The following RTF1 variants were observed in gnomAD, a reference collection of about 807,000 sequenced individuals.
The protein encoded by RTF1 is RTF1 homolog, Paf1/RNA polymerase II complex component, also known as RNA polymerase-associated protein RTF1 homolog.
Under a neutral mutation model 95.7 loss-of-function variants are expected in RTF1, and 10 were observed. The ratio of observed to expected loss-of-function variants is 0.10; its 90% confidence interval spans 0.06 to 0.18. The LOEUF (loss-of-function observed/expected upper bound fraction) is 0.18, where lower values mean the gene tolerates loss of function less well. Among genes scored for constraint, RTF1 ranks in the 10% least tolerant of loss-of-function variants. The pLI is 1.00. For missense variants in RTF1, 458 were observed against 875.6 expected (o/e 0.52, Z 6.02); for synonymous variants, 305 against 311.8 (o/e 0.98, Z 0.23).
At position 41,465,650 on chromosome 15, in the gene RTF1, A is replaced by AAGC. The variant is rs1194261754; in HGVS notation, c.778-487_778-485dup. ...AGCGAGGCTCTGTTTTAAAAAAAAA[A>AAGC]AGCAGCCCACTAGTGAGTGACCATC... is the stretch of plus-strand genomic sequence containing the variant. On this transcript the variant is annotated intron_variant, in intron 5 of 17. Coordinates refer to ENST00000389629, the MANE Select transcript of RTF1 (RefSeq NM_015138.5). 1.4e-4 allele frequency among the ~76,000 whole-genome samples: 22 copies of AAGC among 152,210 alleles called. No homozygotes were observed. The Middle Eastern group carries it at 0.01, about 71-fold the overall frequency.
chr15:41,418,449 G>A (rs2050582793), intron 1 of RTF1, among the ~76,000 whole-genome samples: 1 of 152,156 alleles, frequency 6.6e-6, no homozygotes, highest in Non-Finnish European at 1.5e-5. Context: ...GGCAGTGCAA[G>A]CATTTGCTAA....
intron 1 of RTF1, among the ~76,000 whole-genome samples, chr15:41,431,251 G>T (rs2050670819): frequency 6.9e-6 from 1 of 144,136 alleles, no homozygotes. Flanking sequence ...TTTTGCTCTT[G>T]TTGCCCAGGC....
Position 41,475,576 on chromosome 15 carries a change from A to G in RTF1, c.1338A>G (p.Glu446=), listed in dbSNP as rs372421373. The change falls in exon 10 of 18, where the codon GAA becomes GAG. Residue 446 remains glutamate, a synonymous_variant. Coordinates refer to ENST00000389629, the MANE Select transcript of RTF1 (RefSeq NM_015138.5). ...VFRLEFVSNQ[E]FTESEFMKWK... ...GTTTAGAGTTTGTCTCAAACCAAGA[A>G]TTCACCGAAAGTGAGTTTATGAAGT... 4 of 1,614,084 alleles carry G rather than the reference A, an allele frequency of 2.5e-6. No individual in the cohort carries two copies. The African/African-American group carries it at 4.0e-5, about 16-fold the overall frequency.
chr15:41,445,536 A>T (rs1276413142), intron 2 of RTF1, among the ~76,000 whole-genome samples: 3 of 152,158 alleles, frequency 2.0e-5, no homozygotes, highest in African/African-American at 2.4e-5. Flanking sequence ...TATGCTTTCC[A>T]GTTAAATGTA....
In RTF1 at chr15:41,466,336, T is replaced by C. The variant is rs905683604; in HGVS notation, c.889+84T>C. 15 of 860,768 alleles carry C rather than the reference T, an allele frequency of 1.7e-5. No individual in the cohort carries two copies. The African/African-American group carries it at 2.1e-4, about 12-fold the overall frequency. The allele number at this position is 860,768 out of a possible 1,614,324, so 53.3% of individuals were successfully genotyped here. On this transcript the variant is annotated intron_variant, in intron 6 of 17. Transcript: ENST00000389629. Reference sequence around the variant, plus strand: ...CCATTTTCATTTTGCCCTCTTGTTATATCTTTCTCATATAAAATTCCAGCA... The same window carrying C: ...CCATTTTCATTTTGCCCTCTTGTTACATCTTTCTCATATAAAATTCCAGCA...
At chr15:41,424,180 G>C (rs2050617297) in intron 1 of RTF1, among the ~76,000 whole-genome samples, 1 of 152,214 alleles carries the variant, frequency 6.6e-6, no homozygotes, top group Admixed American at 6.6e-5. Context: ...GAGGTGGGGA[G>C]ATTGCTCAGA....
At position 41,479,169 on chromosome 15, in the gene RTF1, T is replaced by C; in HGVS notation, c.1885T>C (p.Leu629=). The change falls in exon 16 of 18, where the codon TTA becomes CTA. Residue 629 remains leucine (L), a synonymous_variant. Transcript: ENST00000389629. ...QLNAKYGSGV[L]PDAPKEMSKG... The stretch of plus-strand genomic sequence containing the variant: ...GAATGCAAAATACGGTTCTGGAGTG[T>C]TACCAGATGCTCCAAAGGAAATGAG... 3 of 1,613,680 alleles carry C rather than the reference T, an allele frequency of 1.9e-6. No homozygotes were observed. The highest frequency in any genetic ancestry group is 2.5e-6 in the Non-Finnish European group (3 of 1,179,714).
chr15:41,424,555 G>T (rs1670190780), intron 1 of RTF1, among the ~76,000 whole-genome samples: 1 of 152,160 alleles, frequency 6.6e-6, no homozygotes, highest in Non-Finnish European at 1.5e-5. Context: ...TCAGTTTACG[G>T]ACTACACTCA....
intron 2 of RTF1, among the ~76,000 whole-genome samples, chr15:41,441,875 G>A (rs2050737737): frequency 6.6e-6 from 1 of 152,136 alleles, no homozygotes; most frequent in African/African-American, 2.4e-5. Context: ...CTGTATCATG[G>A]TCATTCTGAA....
chr15:41,457,980 G>T, intron 4 of RTF1, 104 bp downstream of exon 4: 1 of 827,318 alleles, frequency 1.2e-6, no homozygotes, highest in Non-Finnish European at 1.9e-6. Flanking sequence ...CATGGAGACT[G>T]GCATTTGGAA....
Position 41,457,895 on chromosome 15 carries a change from TTGTC to T in RTF1, c.662+20_662+23del. On this transcript the variant is annotated intron_variant, in intron 4 of 17. Coordinates refer to ENST00000389629, the MANE Select transcript of RTF1 (RefSeq NM_015138.5). ...AAAGAAGGTAAGGTTGTCCTCGTCG[TTGTC>T]CCCCCCCCGCCCCCACCTTTTCTGT... is the stretch of plus-strand genomic sequence containing the variant. 1.3e-6 allele frequency: 2 copies of T among 1,583,268 alleles called. No homozygotes were observed. The highest frequency in any genetic ancestry group is 1.7e-6 in the Non-Finnish European group (2 of 1,165,166).
chr15:41,417,156 C>CGGCGGCAGT lies in RTF1; in HGVS notation c.47_55dup (p.Ala16_Ala18dup), dbSNP rs1318712308. The CGGCGGCAGT allele has an allele frequency of 5.6e-6, 7 of 1,260,364 alleles. No homozygotes were observed. Among genetic ancestry groups the CGGCGGCAGT allele is most frequent in the African/African-American group, 4.6e-5 (3 of 64,634 alleles). 78.1% of individuals were successfully genotyped at this position (1,260,364 alleles called of 1,614,324 possible). ...TGTGTGGGTCGAGCAGCGGCGGCGGCGGCGGCAGTGGCGGTCCCACTGGCA... is the reference window on the plus strand; with the variant it reads ...TGTGTGGGTCGAGCAGCGGCGGCGGCGGCGGCAGTGGCGGCAGTGGCGGTCCCACTGGCA... On this transcript the variant is annotated inframe_insertion, in exon 1 of 18. Transcript: ENST00000389629.
At chr15:41,461,515 CTG>C (rs1256609299) in intron 4 of RTF1, among the ~76,000 whole-genome samples, 2 of 142,858 alleles carry the variant, frequency 1.4e-5, no homozygotes, top group African/African-American at 5.2e-5. Flanking sequence ...TTTTTTGAGA[CTG>C]AGTCTCGCTC....
intron 14 of RTF1, 173 bp downstream of exon 14, chr15:41,477,688 G>A (rs1257141174): frequency 2.5e-5 from 16 of 639,282 alleles, no homozygotes; most frequent in Non-Finnish European, 4.4e-5. Flanking sequence ...ATAATGAAAA[G>A]CAGCAGTCTT....
At chr15:41,418,748 G>T (rs2050584568) in intron 1 of RTF1, among the ~76,000 whole-genome samples, 1 of 146,158 alleles carries the variant, frequency 6.8e-6, no homozygotes, top group Non-Finnish European at 1.5e-5. Flanking sequence ...GGCGGAGGTT[G>T]CAGTGAGCCT....
intron 1 of RTF1, among the ~76,000 whole-genome samples, chr15:41,425,668 C>T (rs969937674): frequency 3.9e-5 from 6 of 152,140 alleles, no homozygotes; most frequent in Non-Finnish European, 7.4e-5. Context: ...AGAGCAGTGC[C>T]TATATGCAGT....
At position 41,475,769 on chromosome 15, in the gene RTF1, T is replaced by A. The variant is rs2050939209; in HGVS notation, c.1432T>A (p.Ser478Thr). ...TLDEINKKEL[S>T]IKEALNYKFN... ...AGATGAAATCAATAAAAAGGAATTA[T>A]CTATTAAAGAAGCTCTTAATTATAA... Residue 478 changes from serine (S) to threonine (T), a missense_variant, in exon 11 of 18, where the codon TCT becomes ACT. Coordinates refer to ENST00000389629, the MANE Select transcript of RTF1 (RefSeq NM_015138.5). 1.9e-6 allele frequency: 3 copies of A among 1,609,390 alleles called. No individual in the cohort carries two copies. Among genetic ancestry groups the A allele is most frequent in the Admixed American group, 3.4e-5 (2 of 59,632 alleles).
At chr15:41,467,183 A>G (rs2050884923) in intron 6 of RTF1, among the ~76,000 whole-genome samples, 1 of 152,168 alleles carries the variant, frequency 6.6e-6, no homozygotes, top group Non-Finnish European at 1.5e-5. Flanking sequence ...TTCAGCTGGA[A>G]TTATCTCCAA....
intron 1 of RTF1, among the ~76,000 whole-genome samples, chr15:41,428,589 T>G (rs1381461490): frequency 6.6e-6 from 1 of 151,030 alleles, no homozygotes. Context: ...TTTTTTTTTT[T>G]GAAGACAGGG....
Sources: allele counts gnomAD v4.1 joint callset (sites outside exome capture counted in the v4.1 genomes callset), GRCh38; gene constraint gnomAD v4.1.1; transcripts MANE v1.5; gene names NCBI Gene and HGNC (gene_info 2026-07-23, HGNC 2026-07-21).